Variants in SPACA6 observed in about 807,000 individuals in gnomAD.
The protein encoded by SPACA6 is sperm acrosome membrane-associated protein 6.
For missense variants in SPACA6, 8 were observed against 2.8 expected, an observed-to-expected ratio of 2.88 and a Z score of -1.34; for synonymous variants, 6 against 1.5, an observed-to-expected ratio of 4.05 and a Z score of -2.21.
At chr19:51,709,614 C>CAAAAAA (rs56844884), downstream of SPACA6, among the ~76,000 whole-genome samples, 22 of 93,126 alleles carry the variant, frequency 2.4e-4, no homozygotes, top group African/African-American at 6.5e-4. Context: ...GACTCTGTCA[C>CAAAAAA]AAAAAAAAAA....
chr19:51,700,028 C>T lies in SPACA6; in HGVS notation c.293-1630C>T, dbSNP rs138430619. ...CAGCACTTTGGGAGGCCGAGGCAGG[C>T]GGATCACCTGAGGTTAGGAGTTTGA... On this transcript the variant is annotated intron_variant, in intron 2 of 8. Coordinates refer to ENST00000637797, the MANE Select transcript of SPACA6 (RefSeq NM_001316972.2). 1.0e-3 allele frequency among the ~76,000 whole-genome samples: 153 copies of T among 152,176 alleles called. 7 individuals carry two copies. In the East Asian group the frequency reaches 0.026, roughly 26 times the overall value.
At position 51,697,881 on chromosome 19, in the gene SPACA6, T is replaced by G. The variant is rs532788711; in HGVS notation, c.292+3326T>G. Among the ~76,000 whole-genome samples, 8 of 152,272 alleles carry G rather than the reference T, an allele frequency of 5.3e-5. No individual in the cohort carries two copies. In the South Asian group the frequency reaches 1.7e-3, roughly 32 times the overall value. On this transcript the variant is annotated intron_variant, in intron 2 of 8. Coordinates refer to ENST00000637797, the MANE Select transcript of SPACA6 (RefSeq NM_001316972.2). ...TGTAGCCATGTGATTTTGGACCACT[T>G]CTCTAATCTCCCCATGCCTCCGTTT...
At chr19:51,684,064 C>A in the SPACA6 span, among the ~76,000 whole-genome samples, 1 of 152,044 alleles carries the variant, frequency 6.6e-6, no homozygotes, top group East Asian at 1.9e-4. Context: ...GGCTCACAGA[C>A]AATGAATGAT....
Position 51,703,077 on chromosome 19 carries a change from G to A in SPACA6, c.442G>A (p.Asp148Asn). The A allele has an allele frequency of 2.5e-6, 1 of 399,368 alleles. No homozygotes were observed. Among genetic ancestry groups the A allele is most frequent in the Non-Finnish European group, 4.4e-6 (1 of 226,276 alleles). The allele number at this position is 399,368 out of a possible 1,614,324, so 24.7% of individuals were successfully genotyped here. The change falls in exon 5 of 9, where the codon GAC becomes AAC. Residue 148 changes from aspartate to asparagine, a missense_variant. Physicochemically the swap from Asp to Asn is conservative, Grantham distance 23. Transcript: ENST00000637797. This position sits in a 1 kb window ranked among gnomAD's most constrained non-coding sequence, Gnocchi z 4.2. The stretch of plus-strand genomic sequence containing the variant: ...CAGCGGGTGCTACTCTAGGGTCTGC[G>A]ACCTCCCGCTGGACTGCCCAGGTGA... ...LCSGCYSRVC[D>N]LPLDCPVQDV... is the part of the protein sequence containing the mutation.
In SPACA6 at chr19:51,704,130, C is replaced by T; in HGVS notation, c.674C>T (p.Ser225Phe). The change falls in exon 7 of 9, where the codon TCC becomes TTC. Residue 225 changes from serine (S) to phenylalanine (F), a missense_variant. Physicochemically the swap from Ser to Phe is radical, Grantham distance 155 (BLOSUM62 -2). Coordinates refer to ENST00000637797, the MANE Select transcript of SPACA6 (RefSeq NM_001316972.2). ...PAQLTHRGTF[S>F]CVIKQDQRPL... ...CAGCTCACGCACCGCGGGACGTTCT[C>T]CTGCGTGATCAAGCAAGACCAGCGC... 3 of 401,192 alleles carry T rather than the reference C, an allele frequency of 7.5e-6. No individual in the cohort carries two copies. The highest frequency in any genetic ancestry group is 1.3e-5 in the Non-Finnish European group (3 of 226,200). 24.9% of individuals were successfully genotyped at this position (401,192 alleles called of 1,614,324 possible). A position where few individuals can be genotyped will look rare whatever the true frequency, so the allele number is the denominator to read the frequency against.
chr19:51,711,110 A>G (rs1030267429), intron 2 of SPACA6, among the ~76,000 whole-genome samples: 2 of 152,150 alleles, frequency 1.3e-5, no homozygotes, highest in East Asian at 3.8e-4. Context: ...CAAGTAAAGA[A>G]AGCGTTTCAA....
At chr19:51,695,398 G>T (rs1482950251) in intron 2 of SPACA6, among the ~76,000 whole-genome samples, 1 of 152,206 alleles carries the variant, frequency 6.6e-6, no homozygotes, top group African/African-American at 2.4e-5. Flanking sequence ...AGAGCCCTGC[G>T]CTATAGAATA....
rs1469385861 is a variant in SPACA6 at position 51,702,290 on chromosome 19, TC to T, written c.362-337del. Among the ~76,000 whole-genome samples, 3 of 152,212 alleles carry T rather than the reference TC, an allele frequency of 2.0e-5. No individual in the cohort carries two copies. In the East Asian group the frequency reaches 5.8e-4, roughly 29 times the overall value. On this transcript the variant is annotated intron_variant, in intron 3 of 8. Transcript: ENST00000637797. Reference sequence around the variant, plus strand: ...CTGGGCCACCACCTTAGCCTTGGTCTCCTGCAAGGATCGCCCAGGATCTAGC... The same window carrying T: ...CTGGGCCACCACCTTAGCCTTGGTCTCTGCAAGGATCGCCCAGGATCTAGC...
upstream of SPACA6, among the ~76,000 whole-genome samples, chr19:51,691,672 C>T (rs2083374033): frequency 1.3e-5 from 2 of 151,838 alleles, no homozygotes; most frequent in South Asian, 4.2e-4. Flanking sequence ...GAGAAAAAGG[C>T]AGGGCCAGAG....
chr19:51,711,038 C>T (rs1455145214), intron 2 of SPACA6, among the ~76,000 whole-genome samples: 2 of 152,112 alleles, frequency 1.3e-5, no homozygotes, highest in African/African-American at 4.8e-5. Flanking sequence ...TGAGTTCACA[C>T]CACTGAACTC....
At chr19:51,683,340 T>C in the SPACA6 span, among the ~76,000 whole-genome samples, 1 of 152,234 alleles carries the variant, frequency 6.6e-6, no homozygotes, top group Non-Finnish European at 1.5e-5. Flanking sequence ...CAGTATGCCT[T>C]CATTTTAACT....
chr19:51,704,669 T>A, intron 8 of SPACA6, 189 bp downstream of exon 8: 1 of 381,528 alleles, frequency 2.6e-6, no homozygotes, highest in African/African-American at 2.4e-5. Flanking sequence ...AGCCCCCTCC[T>A]CCCTTAGATC....
chr19:51,706,238 C>T (rs919773116), downstream of SPACA6, among the ~76,000 whole-genome samples: 4 of 152,152 alleles, frequency 2.6e-5, no homozygotes, highest in African/African-American at 9.7e-5. Context: ...ATACTTCTTG[C>T]CCTCTCTAGG....
At chr19:51,701,459 C>T (rs987403287) in intron 2 of SPACA6, among the ~76,000 whole-genome samples, 199 bp from the exon 3 acceptor site, 2 of 151,774 alleles carry the variant, frequency 1.3e-5, no homozygotes, top group African/African-American at 2.4e-5. Context: ...CTACAGAGGG[C>T]GGGTGATGAG....
chr19:51,698,426 A>T (rs574194318), intron 2 of SPACA6, among the ~76,000 whole-genome samples: 14 of 152,250 alleles, frequency 9.2e-5, no homozygotes, highest in African/African-American at 3.4e-4. Flanking sequence ...CCACCCGGCC[A>T]CCATGGCTTA....
intron 2 of SPACA6, among the ~76,000 whole-genome samples, chr19:51,701,346 C>T (rs2083467071): frequency 6.6e-6 from 1 of 152,160 alleles, no homozygotes; most frequent in Non-Finnish European, 1.5e-5. Context: ...TCCTCCCCTT[C>T]TCCCCCCAAC....
In SPACA6 at chr19:51,693,661, TG is replaced by T; in HGVS notation, c.138del (p.Met47CysfsTer40). The T allele has an allele frequency of 2.4e-6, 1 of 413,862 alleles. No homozygotes were observed. The highest frequency in any genetic ancestry group is 4.3e-6 in the Non-Finnish European group (1 of 232,746). The allele number at this position is 413,862 out of a possible 1,614,324, so 25.6% of individuals were successfully genotyped here. A position where few individuals can be genotyped will look rare whatever the true frequency, so the allele number is the denominator to read the frequency against. ...ERLRICQMFV[G>X]MRSPKLEECE... is the part of the protein sequence containing the mutation. The stretch of plus-strand genomic sequence containing the variant: ...GCCTCCGCATCTGCCAGATGTTTGT[TG>T]GGATGCGGAGCCCCAAGCTTGAAGA... On this transcript the variant is annotated frameshift_variant, in exon 1 of 9. Transcript: ENST00000637797. LOFTEE classifies it high-confidence loss of function.
At chr19:51,712,576 A>G (rs2083547625), downstream of SPACA6, among the ~76,000 whole-genome samples, 1 of 152,160 alleles carries the variant, frequency 6.6e-6, no homozygotes, top group South Asian at 2.1e-4. Context: ...GAGCAGACAA[A>G]GAGGACATAG....
intron 2 of SPACA6, among the ~76,000 whole-genome samples, chr19:51,698,063 T>C (rs2083443232): frequency 6.6e-6 from 1 of 152,192 alleles, no homozygotes; most frequent in Non-Finnish European, 1.5e-5. Flanking sequence ...TTCATGGTTG[T>C]ATGGCGTCTC....
Sources: gnomAD v4.1 joint callset for allele counts (sites outside exome capture counted in the v4.1 genomes callset) on GRCh38, gnomAD v4.1.1 for gene constraint, Gnocchi (gnomAD v3.1) non-coding constraint, MANE v1.5 for transcripts, NCBI Gene and HGNC (gene_info 2026-07-23, HGNC 2026-07-21) for gene names.